Variants in CASP6 observed in about 807,000 individuals in gnomAD.
The protein encoded by CASP6 is caspase-6.
In CASP6, 20 loss-of-function variants were observed where a neutral mutation model predicts 31.8. The ratio of observed to expected loss-of-function variants is 0.63; its 90% CI spans 0.44 to 0.91. The LOEUF (loss-of-function observed/expected upper bound fraction) is 0.91, where lower values mean the gene tolerates loss of function less well. Among genes scored for constraint, CASP6 ranks in the 40% least tolerant of loss-of-function variants. The pLI is 0.00. For missense variants in CASP6, 328 were observed against 361.1 expected, an observed-to-expected ratio of 0.91 and a Z score of 0.74; for synonymous variants, 130 against 127.8, an observed-to-expected ratio of 1.02 and a Z score of -0.12.
upstream of CASP6, among the ~76,000 whole-genome samples, chr4:109,707,477 C>T (rs1453652428): frequency 6.6e-6 from 1 of 151,668 alleles, no homozygotes; most frequent in East Asian, 1.9e-4. Flanking sequence ...ACCTCTGCCG[C>T]CCGGGTTCAA....
In CASP6 at chr4:109,689,567, T is replaced by C. The variant is rs777393227; in HGVS notation, c.645A>G (p.Gly215=). 13 of 1,612,156 alleles carry C rather than the reference T, an allele frequency of 8.1e-6. No homozygotes were observed. Among genetic ancestry groups the C allele is most frequent in the South Asian group, 2.2e-5 (2 of 90,946 alleles). Residue 215 remains glycine (G), a splice_region_variant and synonymous_variant, in exon 7 of 7, where the codon GGA becomes GGG. Coordinates refer to ENST00000265164, the MANE Select transcript of CASP6 (RefSeq NM_001226.4). The part of the protein sequence containing the change: ...DFLMCYSVAE[G]YYSHRETVNG... Reference sequence around the variant, plus strand: ...TCACAGTTTCCCGGTGAGAATAATATCCTAAAAAAGTGAGAAGGAAAATGT... The same window carrying C: ...TCACAGTTTCCCGGTGAGAATAATACCCTAAAAAAGTGAGAAGGAAAATGT...
At chr4:109,679,661 T>C in the CASP6 span, among the ~76,000 whole-genome samples, 3 of 152,148 alleles carry the variant, frequency 2.0e-5, no homozygotes, top group Admixed American at 2.0e-4. Flanking sequence ...AAATTTTTGT[T>C]CTTTGTAAAT....
At chr4:109,667,778 A>G in the CASP6 span, among the ~76,000 whole-genome samples, 9 of 151,222 alleles carry the variant, frequency 6.0e-5, no homozygotes, top group African/African-American at 2.2e-4. Flanking sequence ...TTCCTGTTAT[A>G]TGTATTCAAT....
Position 109,697,613 on chromosome 4 carries a change from AACT to A in CASP6, c.230+6_230+8del, listed in dbSNP as rs1233293031. The A allele has an allele frequency of 1.3e-6, 2 of 1,598,610 alleles. No individual in the cohort carries two copies. Among genetic ancestry groups the A allele is most frequent in the South Asian group, 2.3e-5 (2 of 87,916 alleles). ...CTGCCTCATCTTGATAGGTAGATAA[AACT>A]ACTACCTGCGGGTAAGATTGTCTCT... On this transcript the variant is annotated splice_donor_region_variant and intron_variant, in intron 3 of 6. Coordinates refer to ENST00000265164, the MANE Select transcript of CASP6 (RefSeq NM_001226.4).
the CASP6 span, among the ~76,000 whole-genome samples, chr4:109,671,165 C>G: frequency 6.6e-6 from 1 of 152,192 alleles, no homozygotes; most frequent in African/African-American, 2.4e-5. Context: ...GATGGACTGA[C>G]AACTTTGGAG....
downstream of CASP6, chr4:109,688,428 TTA>T (rs1729906377): frequency 1.3e-5 from 2 of 152,362 alleles, no homozygotes; most frequent in Admixed American, 1.3e-4. Context: ...TGGCTAAGAA[TTA>T]TGTTTTCTAT....
At chr4:109,696,183 G>A (rs1044615115) in intron 4 of CASP6, among the ~76,000 whole-genome samples, 2 of 152,154 alleles carry the variant, frequency 1.3e-5, no homozygotes, top group African/African-American at 4.8e-5. Flanking sequence ...ACAAGAGACT[G>A]TAACTAGTGG....
upstream of CASP6, among the ~76,000 whole-genome samples, chr4:109,706,114 C>T (rs1426442828): frequency 2.2e-5 from 2 of 89,502 alleles, no homozygotes; most frequent in Non-Finnish European, 4.2e-5. Flanking sequence ...ACAGGCAGGA[C>T]AACATACCTA....
the CASP6 span, chr4:109,682,621 T>A: frequency 6.2e-7 from 1 of 1,613,322 alleles, no homozygotes; most frequent in East Asian, 2.2e-5. Flanking sequence ...ATGGAACACA[T>A]GAAATCTTTG....
At position 109,689,165 on chromosome 4, in the gene CASP6, G is replaced by C. The variant is rs2126154992; in HGVS notation, c.*165C>G. 1 of 623,166 alleles carries C rather than the reference G, an allele frequency of 1.6e-6. No individual in the cohort carries two copies. The highest frequency in any genetic ancestry group is 2.8e-6 in the Non-Finnish European group (1 of 351,700). The allele number at this position is 623,166 out of a possible 1,614,324, so 38.6% of individuals were successfully genotyped here. A position where few individuals can be genotyped will look rare whatever the true frequency, so the allele number is the denominator to read the frequency against. ...TAAATTTTTTTTTGCATTTTTAGTA[G>C]AGACGGGGCTTCTCCATGTTGGTCA... On this transcript the variant is annotated 3_prime_UTR_variant, in exon 7 of 7. Coordinates refer to ENST00000265164, the MANE Select transcript of CASP6 (RefSeq NM_001226.4).
chr4:109,672,062 A>G, the CASP6 span, among the ~76,000 whole-genome samples: 6 of 151,882 alleles, frequency 4.0e-5, no homozygotes, highest in Admixed American at 1.3e-4. Context: ...GAATCATTCT[A>G]TAATCTTATT....
rs754913359 is a variant in CASP6, at chr4:109,691,017, A to C, written c.484-8T>G. On this transcript the variant is annotated splice_region_variant and splice_polypyrimidine_tract_variant and intron_variant, in intron 5 of 6. Transcript: ENST00000265164. ...CTGGTTTCCCCGACATGCCTACAAG[A>C]CAAGGAGGAAAAACCCACCTCTTTG... 5.6e-6 allele frequency: 9 copies of C among 1,604,794 alleles called. No individual in the cohort carries two copies. The highest frequency in any genetic ancestry group is 7.7e-6 in the Non-Finnish European group (9 of 1,175,602).
the CASP6 span, among the ~76,000 whole-genome samples, chr4:109,678,071 C>T: frequency 6.6e-5 from 10 of 151,782 alleles, no homozygotes; most frequent in African/African-American, 2.2e-4. Context: ...CATCTTGCAC[C>T]GCCCTTAATC....
chr4:109,679,067 G>A, the CASP6 span, among the ~76,000 whole-genome samples: 1 of 150,378 alleles, frequency 6.6e-6, no homozygotes, highest in African/African-American at 2.4e-5. Flanking sequence ...GCCAGGCAGA[G>A]GCGCTCCTCA....
chr4:109,697,754 G>T lies in CASP6; in HGVS notation c.98C>A (p.Pro33Gln). The T allele has an allele frequency of 6.2e-7, 1 of 1,612,336 alleles. No individual in the cohort carries two copies. The highest frequency in any genetic ancestry group is 8.5e-7 in the Non-Finnish European group (1 of 1,179,376). ...DAFYKREMFD[P>Q]AEKYKMDHRR... ...GTGGTCCATTTTGTACTTTTCTGCC[G>T]GATCAAACATTTCTCTGTTAATGAA... Residue 33 changes from proline (P) to glutamine (Q), a missense_variant, in exon 3 of 7, where the codon CCG becomes CAG. By Grantham distance (76) the Pro-to-Gln change is moderately conservative. Transcript: ENST00000265164.
upstream of CASP6, among the ~76,000 whole-genome samples, chr4:109,705,340 A>AT (rs1218323874): frequency 2.0e-5 from 3 of 152,218 alleles, no homozygotes; most frequent in African/African-American, 7.2e-5. Flanking sequence ...TCCTTTCAAA[A>AT]TATTACTCCT....
chr4:109,703,553 G>T, upstream of CASP6: 1 of 913,536 alleles, frequency 1.1e-6, no homozygotes, highest in Non-Finnish European at 1.6e-6. Flanking sequence ...GGCTCCCGTG[G>T]ATCGGGCTGG....
chr4:109,682,763 A>G, the CASP6 span: 1 of 1,586,184 alleles, frequency 6.3e-7, no homozygotes, highest in African/African-American at 1.4e-5. Flanking sequence ...ATCACGGTTG[A>G]GTATATTTGA....
rs906269350 is a variant in CASP6, at chr4:109,688,793, A to C, written c.*537T>G. Reference sequence around the variant, plus strand: ...TTAAAAAATAATACAAATGCTTATAAATTTTTATTTATCTAATTTCCTGAG... The same window carrying C: ...TTAAAAAATAATACAAATGCTTATACATTTTTATTTATCTAATTTCCTGAG... On this transcript the variant is annotated 3_prime_UTR_variant, in exon 7 of 7. Transcript: ENST00000265164. 3 of 152,004 alleles carry C rather than the reference A, an allele frequency of 2.0e-5. No individual in the cohort carries two copies. The highest frequency in any genetic ancestry group is 2.1e-4 in the South Asian group (1 of 4,824). 9.4% of individuals were successfully genotyped at this position (152,004 alleles called of 1,614,324 possible).
Sources: allele counts gnomAD v4.1 joint callset (sites outside exome capture counted in the v4.1 genomes callset), GRCh38; gene constraint gnomAD v4.1.1; transcripts MANE v1.5; gene names NCBI Gene and HGNC (gene_info 2026-07-23, HGNC 2026-07-21).